TGFBR3: variants seen among roughly 807,000 people sequenced by gnomAD.
TGFBR3 encodes the protein transforming growth factor beta receptor 3, also known as transforming growth factor beta receptor type 3.
TGFBR3 carries 46 observed loss-of-function variants against 87.9 expected under a neutral mutation model. The ratio of observed to expected loss-of-function variants is 0.52; its 90% CI spans 0.41 to 0.67. The LOEUF (loss-of-function observed/expected upper bound fraction) is 0.67. Among genes scored for constraint, TGFBR3 ranks in the 30% least tolerant of loss-of-function variants. The probability of loss-of-function intolerance (pLI) is 0.00; values close to 1 mark genes in which losing one functional copy is unlikely to be tolerated. For synonymous variants in TGFBR3, 381 were observed against 391.6 expected (o/e 0.97, Z 0.32); for missense variants, 866 against 1,041.9 (o/e 0.83, Z 2.32).
rs528246666 is a variant in TGFBR3 at position 91,765,450 on chromosome 1, A to G, written c.247-6700T>C. Among the ~76,000 whole-genome samples, 6 of 152,168 alleles carry G rather than the reference A, an allele frequency of 3.9e-5. No individual in the cohort carries two copies. The South Asian group carries it at 1.0e-3, about 26-fold the overall frequency. On this transcript the variant is annotated intron_variant, in intron 3 of 16. Coordinates refer to ENST00000212355, the MANE Select transcript of TGFBR3 (RefSeq NM_003243.5). ...AACAGAACATTAACACACAGTCAAG[A>G]TAAGCAGATTCCAGCTACTGAAACA...
At chr1:91,856,041 A>T (rs1237205149) in intron 2 of TGFBR3, among the ~76,000 whole-genome samples, 1 of 152,044 alleles carries the variant, frequency 6.6e-6, no homozygotes, top group African/African-American at 2.4e-5. Context: ...ATAACGAAGG[A>T]ACGAGGGAGG....
In TGFBR3 at chr1:91,818,277, CCTTTTTTTTTTTTTT is replaced by C. The variant is rs1676311473; in HGVS notation, c.62-20821_62-20807del. 1.2e-4 allele frequency among the ~76,000 whole-genome samples: 15 copies of C among 123,150 alleles called. 3 individuals are homozygous for C. The highest frequency in any genetic ancestry group is 2.8e-4 in the South Asian group (1 of 3,614). 80.8% of individuals were successfully genotyped at this position (123,150 alleles called of 152,430 possible). A position where few individuals can be genotyped will look rare whatever the true frequency, so the allele number is the denominator to read the frequency against. On this transcript the variant is annotated intron_variant, in intron 2 of 16. Coordinates refer to ENST00000212355, the MANE Select transcript of TGFBR3 (RefSeq NM_003243.5). ...CTGCACCATTTCCCCTTAGCCCCAG[CCTTTTTTTTTTTTTT>C]TTTTTTTTTTTTTTTTTTTTTTTTT...
At chr1:91,877,938 C>T (rs146173956) in intron 1 of TGFBR3, among the ~76,000 whole-genome samples, 1 of 152,144 alleles carries the variant, frequency 6.6e-6, no homozygotes, top group Non-Finnish European at 1.5e-5. Context: ...AAAGATAGAC[C>T]AGCAATAGGA....
chr1:91,694,415 A>T (rs939024459), intron 16 of TGFBR3, among the ~76,000 whole-genome samples: 2 of 152,382 alleles, frequency 1.3e-5, no homozygotes, highest in East Asian at 3.9e-4. Flanking sequence ...GTCCCATGCT[A>T]GGCATGAAAG....
chr1:91,772,195 T>TA (rs1674404216), intron 3 of TGFBR3, among the ~76,000 whole-genome samples: 1 of 152,226 alleles, frequency 6.6e-6, no homozygotes, highest in South Asian at 2.1e-4. Context: ...TCCTGATAGA[T>TA]AATGAGTACA....
At chr1:91,808,946 G>A (rs1335629014) in intron 2 of TGFBR3, among the ~76,000 whole-genome samples, 1 of 151,834 alleles carries the variant, frequency 6.6e-6, no homozygotes, top group African/African-American at 2.4e-5. Flanking sequence ...TTGAAGGATG[G>A]GAGAAAATAA....
intron 10 of TGFBR3, among the ~76,000 whole-genome samples, chr1:91,717,633 A>G (rs1672218753): frequency 1.3e-5 from 2 of 151,882 alleles, no homozygotes; most frequent in Admixed American, 6.6e-5. Context: ...ACAAACAATT[A>G]TAATTGGTGA....
chr1:91,682,197 C>T lies in TGFBR3; in HGVS notation c.*1542G>A. ...TTTTAAGCTTCATCAGGATTACCTA[C>T]TGAGGTTCCATTCACAGACAACCAG... On this transcript the variant is annotated 3_prime_UTR_variant, in exon 17 of 17. Transcript: ENST00000212355. 1 of 454,032 alleles carries T rather than the reference C, an allele frequency of 2.2e-6. No individual in the cohort carries two copies. Among genetic ancestry groups the T allele is most frequent in the Non-Finnish European group, 4.4e-6 (1 of 226,758 alleles). 28.1% of individuals were successfully genotyped at this position (454,032 alleles called of 1,614,324 possible).
chr1:91,858,610 CAAAAAAAAAAAAAA>C (rs58608714), intron 2 of TGFBR3, among the ~76,000 whole-genome samples: 1 of 78,322 alleles, frequency 1.3e-5, no homozygotes, highest in Non-Finnish European at 2.3e-5. Context: ...GACTCTGTCT[CAAAAAAAAAAAAAA>C]AAAAAAAAAC....
At chr1:91,774,079 T>C (rs1352928845) in intron 3 of TGFBR3, among the ~76,000 whole-genome samples, 1 of 152,164 alleles carries the variant, frequency 6.6e-6, no homozygotes, top group African/African-American at 2.4e-5. Flanking sequence ...ATAGGAAGTG[T>C]TGACATGGTA....
chr1:91,813,310 C>T (rs1338155222), intron 2 of TGFBR3, among the ~76,000 whole-genome samples: 1 of 152,140 alleles, frequency 6.6e-6, no homozygotes, highest in Non-Finnish European at 1.5e-5. Flanking sequence ...TAGTTCACAA[C>T]AAAACCATGC....
chr1:91,695,585 G>T, intron 16 of TGFBR3, 87 bp downstream of exon 16: 1 of 1,093,342 alleles, frequency 9.1e-7, no homozygotes, highest in Non-Finnish European at 1.4e-6. Flanking sequence ...TCTTTCATTC[G>T]TTATTTCATC....
At chr1:91,883,565 A>C (rs1213374661) in intron 1 of TGFBR3, among the ~76,000 whole-genome samples, 1 of 152,176 alleles carries the variant, frequency 6.6e-6, no homozygotes, top group Non-Finnish European at 1.5e-5. Flanking sequence ...AGATATCAAC[A>C]GTGTGTTATG....
chr1:91,856,434 G>A (rs1304281847), intron 2 of TGFBR3, among the ~76,000 whole-genome samples: 1 of 144,508 alleles, frequency 6.9e-6, no homozygotes, highest in Non-Finnish European at 1.5e-5. Flanking sequence ...ACCCGGCCCC[G>A]ACTGCCTTCA....
chr1:91,801,489 G>A (rs928952760), intron 2 of TGFBR3, among the ~76,000 whole-genome samples: 1 of 152,220 alleles, frequency 6.6e-6, no homozygotes, highest in African/African-American at 2.4e-5. Flanking sequence ...CTGGGCTACT[G>A]TGCCAACACT....
chr1:91,849,563 A>G (rs11466559), intron 2 of TGFBR3, among the ~76,000 whole-genome samples: 9,264 of 152,064 alleles, frequency 0.061, 832 homozygotes, highest in African/African-American at 0.19. Context: ...CCCGCTAACA[A>G]TCCCCAACCT....
intron 4 of TGFBR3, among the ~76,000 whole-genome samples, chr1:91,756,266 A>G (rs1673740497): frequency 6.6e-6 from 1 of 152,198 alleles, no homozygotes. Context: ...GTATAGCTCT[A>G]CAGTATGAGG....
intron 3 of TGFBR3, among the ~76,000 whole-genome samples, chr1:91,795,941 CT>C (rs1354926596): frequency 1.3e-5 from 2 of 152,182 alleles, no homozygotes; most frequent in Non-Finnish European, 2.9e-5. Context: ...AATCAGCTTG[CT>C]TTTCCTTAAC....
intron 2 of TGFBR3, among the ~76,000 whole-genome samples, chr1:91,898,096 G>A (rs181194231): frequency 1.1e-3 from 166 of 151,278 alleles, no homozygotes; most frequent in African/African-American, 3.7e-3. Context: ...AGAAAGTACA[G>A]GAAAAAAAGA....
Sources: gnomAD v4.1 joint callset for allele counts (sites outside exome capture counted in the v4.1 genomes callset) on GRCh38, gnomAD v4.1.1 for gene constraint, MANE v1.5 for transcripts, NCBI Gene and HGNC (gene_info 2026-07-23, HGNC 2026-07-21) for gene names.